The following CACNA1I variants were observed in gnomAD, a reference collection of about 807,000 sequenced individuals.
CACNA1I encodes calcium voltage-gated channel subunit alpha1 I.
In CACNA1I, 74 loss-of-function variants were observed where a neutral mutation model predicts 201.6. The observed-to-expected ratio is 0.37, with a 90% CI of 0.30 to 0.45. The LOEUF is 0.45. CACNA1I is among the 20% of genes least tolerant of loss of function. The pLI, the probability that CACNA1I is intolerant of heterozygous loss-of-function variation, is 1.00. For missense variants in CACNA1I, 2,346 were observed against 3,138.1 expected, an observed-to-expected ratio of 0.75 and a Z score of 6.03; for synonymous variants, 1,431 against 1,345.2, an observed-to-expected ratio of 1.06 and a Z score of -1.40.
chr22:39,601,822 T>C (rs1933039066), intron 3 of CACNA1I, among the ~76,000 whole-genome samples: 1 of 123,936 alleles, frequency 8.1e-6, no homozygotes, highest in Admixed American at 8.3e-5. Context: ...TCTCGCTTTC[T>C]CTCCTTCCTT....
chr22:39,667,136 G>A (rs934474370), intron 23 of CACNA1I, among the ~76,000 whole-genome samples: 38 of 152,360 alleles, frequency 2.5e-4, no homozygotes, highest in African/African-American at 9.1e-4. Context: ...ACACGTGCCA[G>A]ACCCTCTGTT....
chr22:39,658,813 G>A (rs1012708248), intron 11 of CACNA1I, 118 bp from the exon 12 acceptor site: 1 of 877,078 alleles, frequency 1.1e-6, no homozygotes, highest in Non-Finnish European at 1.7e-6. Flanking sequence ...TTTGTCAGAT[G>A]GATGGATGAA....
chr22:39,571,142 G>A (rs1177138336), intron 1 of CACNA1I, 154 bp downstream of exon 1: 2 of 678,012 alleles, frequency 2.9e-6, no homozygotes, highest in Non-Finnish European at 5.3e-6. Flanking sequence ...AGCTCAGAGG[G>A]TGGGTCTGGG....
chr22:39,619,223 C>G, intron 3 of CACNA1I, 87 bp from the exon 4 acceptor site: 1 of 970,944 alleles, frequency 1.0e-6, no homozygotes, highest in Non-Finnish European at 1.6e-6. Context: ...GGCAGTAGTG[C>G]GCAGGTGGCT....
At chr22:39,683,592 C>G (rs1265650029) in intron 35 of CACNA1I, among the ~76,000 whole-genome samples, 1 of 152,210 alleles carries the variant, frequency 6.6e-6, no homozygotes, top group East Asian at 1.9e-4. Flanking sequence ...GGCATAGGAA[C>G]CCCAGCCAGG....
At chr22:39,576,610 C>T (rs1056811031) in intron 1 of CACNA1I, among the ~76,000 whole-genome samples, 5 of 152,200 alleles carry the variant, frequency 3.3e-5, no homozygotes, top group South Asian at 2.1e-4. Context: ...ATGCATAGTG[C>T]GGAAGCCAGT....
intron 1 of CACNA1I, among the ~76,000 whole-genome samples, chr22:39,579,983 T>G (rs1045108573): frequency 4.6e-5 from 7 of 152,206 alleles, no homozygotes; most frequent in Non-Finnish European, 7.3e-5. Flanking sequence ...AGCTCTTACA[T>G]GAACTAATAG....
chr22:39,583,124 G>GCATCCATCTCTC (rs1359152702), intron 1 of CACNA1I, among the ~76,000 whole-genome samples: 1 of 18,368 alleles, frequency 5.4e-5, no homozygotes, highest in East Asian at 1.4e-3. Context: ...ATCCATGCAT[G>GCATCCATCTCTC]CATCCATCTC....
Position 39,664,835 on chromosome 22 carries a change from AT to A in CACNA1I, c.3764del (p.Ile1255ThrfsTer38). ...TCTTGTCTTCGTGTCCATCATCGACATCGTGGTGTCCCTGGCCTCAGCCGGG... is the reference window on the plus strand; with the variant it reads ...TCTTGTCTTCGTGTCCATCATCGACACGTGGTGTCCCTGGCCTCAGCCGGG... ...GFLVFVSIID[I>X]VVSLASAGGA... On this transcript the variant is annotated frameshift_variant, in exon 21 of 37. Transcript: ENST00000402142. LOFTEE classifies it high-confidence loss of function. The A allele has an allele frequency of 6.2e-7, 1 of 1,613,002 alleles. No homozygotes were observed. Among genetic ancestry groups the A allele is most frequent in the Non-Finnish European group, 8.5e-7 (1 of 1,179,760 alleles).
chr22:39,647,805 T>A lies in CACNA1I; in HGVS notation c.1463-17T>A. The A allele has an allele frequency of 6.7e-7, 1 of 1,498,586 alleles. No homozygotes were observed. Among genetic ancestry groups the A allele is most frequent in the Non-Finnish European group, 9.3e-7 (1 of 1,074,968 alleles). 92.8% of individuals were successfully genotyped at this position (1,498,586 alleles called of 1,614,324 possible). On this transcript the variant is annotated splice_polypyrimidine_tract_variant and intron_variant, in intron 8 of 36. Transcript: ENST00000402142. ...CCTGAGAAGGGAGAAGATAGTAATA[T>A]TATCTCCACTTTTCAGATGGGAAGA...
At chr22:39,661,375 A>G in intron 16 of CACNA1I, 65 bp downstream of exon 16, 1 of 1,245,674 alleles carries the variant, frequency 8.0e-7, no homozygotes, top group Non-Finnish European at 1.1e-6. Flanking sequence ...GGGGCCCTGA[A>G]GAGAGGTACC....
chr22:39,600,778 C>CAGGGGT, intron 3 of CACNA1I, 125 bp downstream of exon 3: 1 of 1,240,970 alleles, frequency 8.1e-7, no homozygotes, highest in Non-Finnish European at 1.1e-6. Flanking sequence ...CCTCCTGGAC[C>CAGGGGT]CCTGGGCTGG....
At chr22:39,617,871 C>T (rs1040207256) in intron 3 of CACNA1I, among the ~76,000 whole-genome samples, 1 of 148,946 alleles carries the variant, frequency 6.7e-6, no homozygotes, top group Admixed American at 6.7e-5. Context: ...CAGCTCCCCC[C>T]TCCCTCTTTC....
rs750751457 is a variant in CACNA1I at position 39,642,789 on chromosome 22, C to T, written c.1057-8C>T. ...TCCTCTCGGCTCTCTCTCCTCTGCG[C>T]GCTGCAGGTGATCACTCTGGAAGGC... On this transcript the variant is annotated splice_region_variant and splice_polypyrimidine_tract_variant and intron_variant, in intron 6 of 36. Transcript: ENST00000402142. The T allele has an allele frequency of 3.9e-5, 63 of 1,601,096 alleles. No individual in the cohort carries two copies. The Middle Eastern group carries it at 5.0e-4, about 13-fold the overall frequency.
intron 17 of CACNA1I, 31 bp from the exon 18 acceptor site, chr22:39,662,745 G>C (rs1414509700): frequency 6.8e-7 from 1 of 1,480,998 alleles, no homozygotes; most frequent in East Asian, 2.5e-5. Context: ...GCGCATCGCT[G>C]ACCCCCGGCG....
rs376219983 is a variant in CACNA1I, at chr22:39,673,111, G to C, written c.4783+29G>C. The C allele has an allele frequency of 8.1e-6, 13 of 1,605,046 alleles. 1 individual carries two copies. In the East Asian group the frequency reaches 2.7e-4, roughly 33 times the overall value. ...AGGGGCAAGGGGTGGGACAGGGAACGGGGACAAGCAGGGGCGGGATGAGAC... is the reference window on the plus strand; with the variant it reads ...AGGGGCAAGGGGTGGGACAGGGAACCGGGACAAGCAGGGGCGGGATGAGAC... On this transcript the variant is annotated intron_variant, in intron 28 of 36. Transcript: ENST00000402142.
At chr22:39,626,877 A>G (rs367963876) in intron 4 of CACNA1I, among the ~76,000 whole-genome samples, 42 of 152,316 alleles carry the variant, frequency 2.8e-4, no homozygotes, top group African/African-American at 9.1e-4. Flanking sequence ...GCTTGTGACA[A>G]GCTCATCACA....
chr22:39,622,510 G>T (rs1933775915), intron 4 of CACNA1I, among the ~76,000 whole-genome samples: 1 of 151,440 alleles, frequency 6.6e-6, no homozygotes, highest in African/African-American at 2.4e-5. Context: ...CAGGGCCTGG[G>T]CATGGACCAT....
chr22:39,604,640 C>T (rs929199145), intron 3 of CACNA1I, among the ~76,000 whole-genome samples: 18 of 151,988 alleles, frequency 1.2e-4, no homozygotes, highest in African/African-American at 3.6e-4. Context: ...TGCAGTGGTG[C>T]GATCACAGCT....
Sources: allele counts gnomAD v4.1 joint callset (sites outside exome capture counted in the v4.1 genomes callset), GRCh38; gene constraint gnomAD v4.1.1; transcripts MANE v1.5; gene names NCBI Gene and HGNC (gene_info 2026-07-23, HGNC 2026-07-21).